FAF1: variants seen among roughly 807,000 people sequenced by gnomAD.
FAF1 encodes FAS-associated factor 1.
Under a neutral mutation model 92.5 loss-of-function variants are expected in FAF1, and 25 were observed. The ratio of observed to expected loss-of-function variants is 0.27; its 90% CI spans 0.20 to 0.38. The LOEUF is 0.38. Ranked by LOEUF, FAF1 falls within the 10% of genes least tolerant of loss-of-function variation. FAF1 has a pLI of 1.00. For synonymous variants in FAF1, 234 were observed against 273.2 expected (o/e 0.86, Z 1.42); for missense variants, 636 against 793.3 (o/e 0.80, Z 2.38).
chr1:50,640,975 A>G (rs2124245162), intron 8 of FAF1, among the ~76,000 whole-genome samples: 1 of 151,696 alleles, frequency 6.6e-6, no homozygotes, highest in African/African-American at 2.4e-5. Context: ...CTGGGACTAC[A>G]TGTGCGCACC....
intron 2 of FAF1, among the ~76,000 whole-genome samples, chr1:50,839,348 A>G (rs1401804045): frequency 6.6e-6 from 1 of 152,172 alleles, no homozygotes; most frequent in African/African-American, 2.4e-5. Context: ...CCCGCTAAAA[A>G]TTCACAATAT....
At chr1:50,475,383 T>C (rs1646626052) in intron 18 of FAF1, 81 bp downstream of exon 18, 1 of 1,140,428 alleles carries the variant, frequency 8.8e-7, no homozygotes, top group South Asian at 1.4e-5. Flanking sequence ...CATGGGACTT[T>C]TCTTGAACTA....
chr1:50,679,306 T>TA (rs753223288), intron 7 of FAF1, among the ~76,000 whole-genome samples: 5,066 of 129,656 alleles, frequency 0.039, 262 homozygotes, highest in African/African-American at 0.13. Flanking sequence ...TTTACTTTCT[T>TA]AAAAAAAAAA....
chr1:50,473,852 T>C (rs1343737675), intron 18 of FAF1, among the ~76,000 whole-genome samples: 1 of 152,150 alleles, frequency 6.6e-6, no homozygotes, highest in Non-Finnish European at 1.5e-5. Context: ...TGACAGCCAA[T>C]GTGAGGGACT....
intron 15 of FAF1, among the ~76,000 whole-genome samples, chr1:50,516,893 T>A (rs1194473005): frequency 6.6e-6 from 1 of 152,232 alleles, no homozygotes; most frequent in East Asian, 1.9e-4. Flanking sequence ...CTTTGCAGCA[T>A]GAATAAACTA....
intron 2 of FAF1, among the ~76,000 whole-genome samples, chr1:50,833,504 G>A (rs1363011309): frequency 3.3e-5 from 5 of 152,072 alleles, no homozygotes; most frequent in African/African-American, 1.2e-4. Context: ...TCCAAATCCT[G>A]TTGTTTAGGG....
At chr1:50,750,133 T>C (rs1417308452) in intron 4 of FAF1, among the ~76,000 whole-genome samples, 2 of 152,152 alleles carry the variant, frequency 1.3e-5, no homozygotes, top group Non-Finnish European at 2.9e-5. Flanking sequence ...GAATTCATAT[T>C]TGTGTCTACC....
At chr1:50,877,701 C>T (rs976598757) in intron 1 of FAF1, among the ~76,000 whole-genome samples, 2 of 151,934 alleles carry the variant, frequency 1.3e-5, no homozygotes, top group Non-Finnish European at 2.9e-5. Flanking sequence ...TTTCTAAGTA[C>T]CCTCCTGGCC....
At chr1:50,884,186 T>C (rs1644637684) in intron 1 of FAF1, among the ~76,000 whole-genome samples, 1 of 151,680 alleles carries the variant, frequency 6.6e-6, no homozygotes, top group South Asian at 2.1e-4. Context: ...AACTTGTATG[T>C]ATACATAGAA....
chr1:50,590,169 G>A (rs1651434529), intron 9 of FAF1, among the ~76,000 whole-genome samples: 1 of 152,160 alleles, frequency 6.6e-6, no homozygotes, highest in African/African-American at 2.4e-5. Context: ...AATTCCATAT[G>A]AATTTTTGGA....
intron 8 of FAF1, among the ~76,000 whole-genome samples, chr1:50,625,449 C>A: frequency 6.6e-6 from 1 of 152,146 alleles, no homozygotes; most frequent in South Asian, 2.1e-4. Flanking sequence ...AGAAGTGTAA[C>A]TAATTTTACC....
intron 7 of FAF1, among the ~76,000 whole-genome samples, chr1:50,696,898 TA>T (rs1202573022): frequency 6.6e-6 from 1 of 152,190 alleles, no homozygotes; most frequent in Non-Finnish European, 1.5e-5. Flanking sequence ...ATGATCAAAA[TA>T]TATACTTAGC....
At chr1:50,604,754 T>C (rs1372462553) in intron 8 of FAF1, among the ~76,000 whole-genome samples, 1 of 152,274 alleles carries the variant, frequency 6.6e-6, no homozygotes, top group East Asian at 1.9e-4. Flanking sequence ...AGGCTGGTCT[T>C]GAGCTCCTGG....
chr1:50,638,445 C>CTTTTT (rs35054798), intron 8 of FAF1, among the ~76,000 whole-genome samples: 14 of 131,620 alleles, frequency 1.1e-4, no homozygotes, highest in Non-Finnish European at 1.6e-4. Flanking sequence ...TTTTCTTTTT[C>CTTTTT]TTTTTTTTTT....
intron 12 of FAF1, among the ~76,000 whole-genome samples, chr1:50,580,195 T>C (rs901295363): frequency 2.0e-5 from 3 of 152,058 alleles, no homozygotes; most frequent in Non-Finnish European, 4.4e-5. Flanking sequence ...ATTTATTTTA[T>C]ACTTGTTTGT....
chr1:50,836,702 C>T (rs1337920288), intron 2 of FAF1, among the ~76,000 whole-genome samples: 4 of 151,878 alleles, frequency 2.6e-5, no homozygotes, highest in African/African-American at 7.3e-5. Flanking sequence ...TAAATTGCAA[C>T]CTTATAAACA....
chr1:50,787,891 G>T, intron 4 of FAF1, 109 bp downstream of exon 4: 4 of 818,720 alleles, frequency 4.9e-6, no homozygotes, highest in African/African-American at 1.7e-5. Flanking sequence ...GTTTCAACTT[G>T]CTTTTTTTCC....
rs900007862 is a variant in FAF1, at chr1:50,758,967, C to A, written c.368-14192G>T. On this transcript the variant is annotated intron_variant, in intron 4 of 18. Coordinates refer to ENST00000396153, the MANE Select transcript of FAF1 (RefSeq NM_007051.3). ...ACACCATTCTCCTGCCTCAGCCTTC[C>A]GAGTAGCTGGGACTACAGGCACCAG... 4.6e-5 allele frequency among the ~76,000 whole-genome samples: 7 copies of A among 152,002 alleles called. No individual in the cohort carries two copies. The East Asian group carries it at 1.2e-3, about 25-fold the overall frequency.
chr1:50,803,681 A>T (rs1008173461), intron 2 of FAF1, among the ~76,000 whole-genome samples: 1 of 152,194 alleles, frequency 6.6e-6, no homozygotes, highest in African/African-American at 2.4e-5. Context: ...CTGAGGCTGA[A>T]GAATGAGTGA....
Sources: gnomAD v4.1 joint callset for allele counts (sites outside exome capture counted in the v4.1 genomes callset) on GRCh38, gnomAD v4.1.1 for gene constraint, MANE v1.5 for transcripts, NCBI Gene and HGNC (gene_info 2026-07-23, HGNC 2026-07-21) for gene names.